Variants in BRINP3 observed in about 807,000 individuals in gnomAD.
BRINP3 encodes BMP/retinoic acid inducible neural specific 3.
In BRINP3, 19 loss-of-function variants were observed where a neutral mutation model predicts 71.0. The observed-to-expected ratio is 0.27, with a 90% confidence interval of 0.19 to 0.39. The LOEUF (loss-of-function observed/expected upper bound fraction) is 0.39, where lower values mean the gene tolerates loss of function less well. Ranked by LOEUF, BRINP3 falls within the 10% of genes least tolerant of loss-of-function variation. The pLI is 1.00. For synonymous variants in BRINP3, 380 were observed against 337.7 expected, an observed-to-expected ratio of 1.13 and a Z score of -1.37; for missense variants, 959 against 940.8, an observed-to-expected ratio of 1.02 and a Z score of -0.25.
At chr1:190,349,520 T>C (rs529260535) in intron 2 of BRINP3, among the ~76,000 whole-genome samples, 3 of 152,114 alleles carry the variant, frequency 2.0e-5, no homozygotes, top group Non-Finnish European at 4.4e-5. Context: ...TTTCTATTAG[T>C]CATTTAGGAA....
At chr1:190,122,268 T>G (rs1302619644) in intron 7 of BRINP3, among the ~76,000 whole-genome samples, 1 of 152,138 alleles carries the variant, frequency 6.6e-6, no homozygotes, top group Non-Finnish European at 1.5e-5. Context: ...TGGATAGATA[T>G]GAATATAAAT....
intron 6 of BRINP3, among the ~76,000 whole-genome samples, chr1:190,178,470 C>T (rs757834564): frequency 6.6e-6 from 1 of 152,206 alleles, no homozygotes; most frequent in East Asian, 1.9e-4. Flanking sequence ...CAAATAAATG[C>T]ACCTTTTTGC....
chr1:190,229,454 A>G (rs1446426718), intron 5 of BRINP3, among the ~76,000 whole-genome samples: 1 of 151,964 alleles, frequency 6.6e-6, no homozygotes, highest in Non-Finnish European at 1.5e-5. Context: ...TTTAGAAATT[A>G]CCCAGTCTCA....
At chr1:190,476,290 G>C (rs1201264592) in intron 1 of BRINP3, among the ~76,000 whole-genome samples, 1 of 151,008 alleles carries the variant, frequency 6.6e-6, no homozygotes, top group East Asian at 1.9e-4. Context: ...TGAACAATAG[G>C]TTCTTACCTC....
chr1:190,412,744 G>C (rs1309908160), intron 2 of BRINP3, among the ~76,000 whole-genome samples: 1 of 151,938 alleles, frequency 6.6e-6, no homozygotes, highest in African/African-American at 2.4e-5. Flanking sequence ...TTACAGGCGT[G>C]AGTATGTAGT....
intron 7 of BRINP3, among the ~76,000 whole-genome samples, chr1:190,117,272 C>T (rs1277004742): frequency 1.3e-5 from 2 of 151,846 alleles, no homozygotes; most frequent in South Asian, 2.1e-4. Flanking sequence ...GTGCACATAA[C>T]AATACATAAG....
In BRINP3 at chr1:190,216,447, G is replaced by A. The variant is rs555843580; in HGVS notation, c.961+9635C>T. Among the ~76,000 whole-genome samples, 14 of 151,802 alleles carry A rather than the reference G, an allele frequency of 9.2e-5. No individual in the cohort carries two copies. In the South Asian group the frequency reaches 1.2e-3, roughly 14 times the overall value. On this transcript the variant is annotated intron_variant, in intron 6 of 7. Coordinates refer to ENST00000367462, the MANE Select transcript of BRINP3 (RefSeq NM_199051.3). ...CAACATAAATTTATTTTCTAAAAATGTAAAGTTAGAGATAAATTGATTTCT... is the reference window on the plus strand; with the variant it reads ...CAACATAAATTTATTTTCTAAAAATATAAAGTTAGAGATAAATTGATTTCT...
chr1:190,350,843 A>G (rs1024528815), intron 2 of BRINP3, among the ~76,000 whole-genome samples: 2 of 138,670 alleles, frequency 1.4e-5, no homozygotes, highest in African/African-American at 5.4e-5. Flanking sequence ...TTTTTTTTAG[A>G]CTGTGTTTTG....
chr1:190,246,592 G>A (rs1293747968), intron 4 of BRINP3, among the ~76,000 whole-genome samples: 1 of 151,866 alleles, frequency 6.6e-6, no homozygotes, highest in African/African-American at 2.4e-5. Context: ...CTATGGAACA[G>A]ACTACAAACT....
Position 190,446,178 on chromosome 1 carries a change from T to C in BRINP3, c.236+8477A>G, listed in dbSNP as rs184830449. On this transcript the variant is annotated intron_variant, in intron 2 of 7. Transcript: ENST00000367462. ...GTATATTTCATTTGTGAATTATAAT[T>C]AAATAACAAAAATTAAAACGTATTA... Among the ~76,000 whole-genome samples the C allele has an allele frequency of 6.0e-4, 92 of 152,204 alleles. 1 individual carries two copies. Among genetic ancestry groups the C allele is most frequent in the Admixed American group, 3.2e-3 (49 of 15,276 alleles).
chr1:190,314,088 T>C (rs1322742837), intron 2 of BRINP3, among the ~76,000 whole-genome samples: 1 of 152,054 alleles, frequency 6.6e-6, no homozygotes, highest in Non-Finnish European at 1.5e-5. Flanking sequence ...AATGAGTGAC[T>C]TGTATATGTA....
At position 190,444,871 on chromosome 1, in the gene BRINP3, G is replaced by A. The variant is rs74130765; in HGVS notation, c.236+9784C>T. ...GCTTTTTATATTGCCTTTGTTTACT[G>A]GGAAATTTGGAGAAATAAATGAATG... On this transcript the variant is annotated intron_variant, in intron 2 of 7. Transcript: ENST00000367462. Among the ~76,000 whole-genome samples, 571 of 152,168 alleles carry A rather than the reference G, an allele frequency of 3.8e-3. 4 individuals are homozygous for A. The highest frequency in any genetic ancestry group is 0.013 in the African/African-American group (531 of 41,528).
chr1:190,312,773 G>A, intron 2 of BRINP3, among the ~76,000 whole-genome samples: 1 of 151,710 alleles, frequency 6.6e-6, no homozygotes, highest in East Asian at 1.9e-4. Context: ...GATAGCTAAG[G>A]ATATGGGTGA....
intron 2 of BRINP3, among the ~76,000 whole-genome samples, chr1:190,329,520 A>C (rs1472878003): frequency 1.3e-5 from 2 of 152,096 alleles, no homozygotes; most frequent in Non-Finnish European, 2.9e-5. Context: ...TACTGCTAAA[A>C]GAAATCATAG....
chr1:190,416,975 T>C (rs780747968), intron 2 of BRINP3, among the ~76,000 whole-genome samples: 4 of 152,126 alleles, frequency 2.6e-5, no homozygotes, highest in Non-Finnish European at 5.9e-5. Flanking sequence ...ACCAGAGGAG[T>C]TATATGTAAA....
chr1:190,194,329 G>A (rs932884758), intron 6 of BRINP3, among the ~76,000 whole-genome samples: 2 of 151,868 alleles, frequency 1.3e-5, no homozygotes. Context: ...TTGGACCTCT[G>A]GCCCCCAGAA....
chr1:190,311,058 C>T lies in BRINP3; in HGVS notation c.237-29308G>A, dbSNP rs1665482023. Among the ~76,000 whole-genome samples, 3 of 151,600 alleles carry T rather than the reference C, an allele frequency of 2.0e-5. No homozygotes were observed. In the South Asian group the frequency reaches 6.2e-4, roughly 31 times the overall value. On this transcript the variant is annotated intron_variant, in intron 2 of 7. Coordinates refer to ENST00000367462, the MANE Select transcript of BRINP3 (RefSeq NM_199051.3). ...AACCCTGATAACTATTACTTAAAAA[C>T]CCAAGTATTTTAAATTATGTTGTAC...
At chr1:190,453,381 C>T (rs1190132640) in intron 2 of BRINP3, among the ~76,000 whole-genome samples, 13 of 151,374 alleles carry the variant, frequency 8.6e-5, no homozygotes, top group African/African-American at 1.7e-4. Flanking sequence ...CCACCACGCC[C>T]GGCTAATTTT....
chr1:190,353,276 A>C (rs1668518381), intron 2 of BRINP3, among the ~76,000 whole-genome samples: 1 of 152,054 alleles, frequency 6.6e-6, no homozygotes, highest in Non-Finnish European at 1.5e-5. Flanking sequence ...CCAAAAGGTT[A>C]CCATCTTTTA....
Sources: allele counts gnomAD v4.1 joint callset (sites outside exome capture counted in the v4.1 genomes callset), GRCh38; gene constraint gnomAD v4.1.1; transcripts MANE v1.5; gene names NCBI Gene and HGNC (gene_info 2026-07-23, HGNC 2026-07-21).